Variants in DMRT3 observed in about 807,000 individuals in gnomAD.
The protein encoded by DMRT3 is doublesex and mab-3 related transcription factor 3, also known as doublesex- and mab-3-related transcription factor 3.
In DMRT3, 29 loss-of-function variants were observed where a neutral mutation model predicts 34.9. The ratio of observed to expected loss-of-function variants is 0.83; its 90% confidence interval spans 0.62 to 1.13. The LOEUF is 1.13. Among genes scored for constraint, DMRT3 ranks in the 50% most tolerant of loss-of-function variants. DMRT3 has a pLI of 0.00. For missense variants in DMRT3, 772 were observed against 629.1 expected, an observed-to-expected ratio of 1.23 and a Z score of -2.43; for synonymous variants, 350 against 286.0, an observed-to-expected ratio of 1.22 and a Z score of -2.26.
At chr9:980,818 G>A (rs1586682700) in intron 1 of DMRT3, among the ~76,000 whole-genome samples, 1 of 152,118 alleles carries the variant, frequency 6.6e-6, no homozygotes, top group East Asian at 1.9e-4. Context: ...TCACTGCCAA[G>A]GTGAAAAGCT....
intron 1 of DMRT3, among the ~76,000 whole-genome samples, chr9:979,653 G>T (rs1474738957): frequency 6.6e-6 from 1 of 152,076 alleles, no homozygotes; most frequent in Non-Finnish European, 1.5e-5. Context: ...GGGGAGAAAG[G>T]TAGGAAAATA....
intron 1 of DMRT3, among the ~76,000 whole-genome samples, chr9:982,622 T>C (rs956534750): frequency 6.6e-6 from 1 of 152,172 alleles, no homozygotes; most frequent in African/African-American, 2.4e-5. Flanking sequence ...GATGAGAAAT[T>C]CTTTGCTGCA....
chr9:977,356 C>T lies in DMRT3; in HGVS notation c.355C>T (p.Gln119Ter). Residue 119 changes from glutamine (Q) to a stop codon, truncating the protein, a stop_gained, in exon 1 of 2, where the codon CAG becomes TAG. Transcript: ENST00000190165. LOFTEE classifies it high-confidence loss of function. Reference sequence around the variant, plus strand: ...GCCAGCCTCTCAGCCGTCGCAGCCGCAGCCGCCGCGCCCTGCTGCCGAGTT... The same window carrying T: ...GCCAGCCTCTCAGCCGTCGCAGCCGTAGCCGCCGCGCCCTGCTGCCGAGTT... ...PPPASQPSQP[Q>*]PPRPAAELAA... is the part of the protein sequence containing the mutation. The T allele has an allele frequency of 1.6e-6, 2 of 1,237,724 alleles. No homozygotes were observed. Among genetic ancestry groups the T allele is most frequent in the Non-Finnish European group, 2.0e-6 (2 of 993,836 alleles). 76.7% of individuals were successfully genotyped at this position (1,237,724 alleles called of 1,614,324 possible).
In DMRT3 at chr9:991,313, C is replaced by T; in HGVS notation, c.*308C>T. ...TATTTGGGGATGTAAAGCTGAAGGTCAGCCTTGCACCTAAACCCAACCTGG... is the reference window on the plus strand; with the variant it reads ...TATTTGGGGATGTAAAGCTGAAGGTTAGCCTTGCACCTAAACCCAACCTGG... On this transcript the variant is annotated 3_prime_UTR_variant, in exon 2 of 2. Coordinates refer to ENST00000190165, the MANE Select transcript of DMRT3 (RefSeq NM_021240.4). 1 of 246,494 alleles carries T rather than the reference C, an allele frequency of 4.1e-6. No individual in the cohort carries two copies. The highest frequency in any genetic ancestry group is 1.2e-4 in the South Asian group (1 of 8,124). The allele number at this position is 246,494 out of a possible 1,614,324, so 15.3% of individuals were successfully genotyped here. A position where few individuals can be genotyped will look rare whatever the true frequency, so the allele number is the denominator to read the frequency against.
Position 976,766 on chromosome 9 carries a change from C to G in DMRT3, c.-236C>G, listed in dbSNP as rs1385864307. On this transcript the variant is annotated 5_prime_UTR_variant, in exon 1 of 2. Transcript: ENST00000190165. This position sits in a 1 kb window ranked among gnomAD's most constrained non-coding sequence, Gnocchi z 4.5. ...CCCGGCTGCGCGCCCAAGGCAGAGG[C>G]CCGCGTCGGCGTTGGCTGGGCGTGA... 6.6e-6 allele frequency among the ~76,000 whole-genome samples: 1 copy of G among 152,170 alleles called. No homozygotes were observed. Among genetic ancestry groups the G allele is most frequent in the Non-Finnish European group, 1.5e-5 (1 of 68,008 alleles).
Position 990,600 on chromosome 9 carries a change from C to T in DMRT3, c.1014C>T (p.Asp338=), listed in dbSNP as rs752507083. ...TGGGATCAGCCTTTCGAGTCCCAGA[C>T]ACGTTGAGGTTTTCTGCCGACTCTA... is the stretch of plus-strand genomic sequence containing the variant. ...WSVGSAFRVP[D]TLRFSADSSN... The change falls in exon 2 of 2, where the codon GAC becomes GAT. Residue 338 remains aspartate, a synonymous_variant. Transcript: ENST00000190165. 4 of 1,614,016 alleles carry T rather than the reference C, an allele frequency of 2.5e-6. No individual in the cohort carries two copies. The highest frequency in any genetic ancestry group is 2.2e-5 in the East Asian group (1 of 44,872).
chr9:978,721 C>T (rs369102926), intron 1 of DMRT3, among the ~76,000 whole-genome samples: 1 of 152,134 alleles, frequency 6.6e-6, no homozygotes, highest in Non-Finnish European at 1.5e-5. Flanking sequence ...GCTTTCCAGG[C>T]CTGAAGCTCT....
intron 1 of DMRT3, among the ~76,000 whole-genome samples, chr9:978,399 G>C (rs1820178624): frequency 6.6e-6 from 1 of 152,124 alleles, no homozygotes; most frequent in African/African-American, 2.4e-5. Context: ...ATATGTGTTT[G>C]GTGTTTCTCC....
chr9:980,232 C>G (rs1662651856), intron 1 of DMRT3, among the ~76,000 whole-genome samples: 1 of 152,164 alleles, frequency 6.6e-6, no homozygotes, highest in South Asian at 2.1e-4. Flanking sequence ...ATATTCACAT[C>G]AAAACTCAGT....
At chr9:989,130 CT>C (rs1820319573) in intron 1 of DMRT3, among the ~76,000 whole-genome samples, 1 of 152,144 alleles carries the variant, frequency 6.6e-6, no homozygotes, top group Admixed American at 6.5e-5. Context: ...AAAAAGGTAT[CT>C]TCAAATTTCA....
At chr9:984,141 T>C (rs1268983056) in intron 1 of DMRT3, among the ~76,000 whole-genome samples, 2 of 152,190 alleles carry the variant, frequency 1.3e-5, no homozygotes, top group Non-Finnish European at 2.9e-5. Context: ...AAAAGTCTCA[T>C]CCTGCCTGGG....
Position 976,958 on chromosome 9 carries a change from C to T in DMRT3, c.-44C>T, listed in dbSNP as rs1187907046. 6.3e-6 allele frequency: 9 copies of T among 1,429,866 alleles called. No individual in the cohort carries two copies. The highest frequency in any genetic ancestry group is 1.5e-5 in the African/African-American group (1 of 67,196). 88.6% of individuals were successfully genotyped at this position (1,429,866 alleles called of 1,614,324 possible). Reference sequence around the variant, plus strand: ...GCCCCGCCGTCCAGCGCTCCCTGGCCCTCTCCCGCAGCCAGGCTGCCAACT... The same window carrying T: ...GCCCCGCCGTCCAGCGCTCCCTGGCTCTCTCCCGCAGCCAGGCTGCCAACT... On this transcript the variant is annotated 5_prime_UTR_variant, in exon 1 of 2. Transcript: ENST00000190165. The surrounding 1 kb of genome is among the most constrained non-coding windows in gnomAD (Gnocchi z 4.5).
Position 977,024 on chromosome 9 carries a change from A to C in DMRT3, c.23A>C (p.Tyr8Ser), listed in dbSNP as rs74806384. ...GGCATGAACGGCTACGGCTCCCCCT[A>C]CCTGTACATGGGCGGCCCGGTGTCG... MNGYGSP[Y>S]LYMGGPVSQP... The change falls in exon 1 of 2, where the codon TAC (tyrosine) becomes TCC (serine). Residue 8 changes from tyrosine to serine, a missense_variant. By Grantham distance (144) the Tyr-to-Ser change is moderately radical. Coordinates refer to ENST00000190165, the MANE Select transcript of DMRT3 (RefSeq NM_021240.4). 2 of 1,546,938 alleles carry C rather than the reference A, an allele frequency of 1.3e-6. No homozygotes were observed. Among genetic ancestry groups the C allele is most frequent in the Non-Finnish European group, 1.7e-6 (2 of 1,148,878 alleles).
chr9:979,222 A>C (rs534907099), intron 1 of DMRT3, among the ~76,000 whole-genome samples: 1 of 152,282 alleles, frequency 6.6e-6, no homozygotes, highest in East Asian at 1.9e-4. Context: ...ATTTCTAAAG[A>C]GTCACAAAAC....
intron 1 of DMRT3, among the ~76,000 whole-genome samples, chr9:988,289 T>G (rs1332860145): frequency 2.0e-5 from 3 of 152,194 alleles, no homozygotes; most frequent in Non-Finnish European, 1.5e-5. Flanking sequence ...AATGCAAATT[T>G]GGGATAAGTA....
At position 977,226 on chromosome 9, in the gene DMRT3, C is replaced by T. The variant is rs1485087195; in HGVS notation, c.225C>T (p.Arg75=). Residue 75 remains arginine (R), a synonymous_variant, in exon 1 of 2, where the codon CGC becomes CGT. Transcript: ENST00000190165. ...TCATGGCTGCGCAGGTGGCGCTGCG[C>T]CGGCAGCAGGCCAACGAGAGCTTGG... ...QRVMAAQVAL[R]RQQANESLES... The T allele has an allele frequency of 6.2e-7, 1 of 1,601,564 alleles. No homozygotes were observed. Among genetic ancestry groups the T allele is most frequent in the Non-Finnish European group, 8.5e-7 (1 of 1,174,274 alleles).
Position 990,551 on chromosome 9 carries a change from C to G in DMRT3, c.965C>G (p.Pro322Arg), listed in dbSNP as rs763094593. The G allele has an allele frequency of 6.2e-7, 1 of 1,614,118 alleles. No individual in the cohort carries two copies. Among genetic ancestry groups the G allele is most frequent in the East Asian group, 2.2e-5 (1 of 44,866 alleles). The change falls in exon 2 of 2, where the codon CCC (proline) becomes CGC (arginine). Residue 322 changes from proline to arginine, a missense_variant. Coordinates refer to ENST00000190165, the MANE Select transcript of DMRT3 (RefSeq NM_021240.4). ...HIFEHTLSSY[P>R]ISSSKWSVGS... is the part of the protein sequence containing the mutation. ...TTTGAACACACCTTGAGCTCCTACC[C>G]CATCTCGTCTTCCAAATGGTCTGTG... is the stretch of plus-strand genomic sequence containing the variant.
intron 1 of DMRT3, among the ~76,000 whole-genome samples, chr9:982,902 A>G (rs771449594): frequency 1.6e-4 from 25 of 152,070 alleles, no homozygotes; most frequent in Non-Finnish European, 3.2e-4. Context: ...TTAGCTGCTC[A>G]GGTCCTTGGA....
Position 990,802 on chromosome 9 carries a change from C to T in DMRT3, c.1216C>T (p.Gln406Ter). 8 of 1,614,164 alleles carry T rather than the reference C, an allele frequency of 5.0e-6. No individual in the cohort carries two copies. The highest frequency in any genetic ancestry group is 5.9e-6 in the Non-Finnish European group (7 of 1,180,032). ...GCAGCAGCAGTATCAGCTGAGGTCC[C>T]AGTATGTCAGTCCTTTCCCCAGTAA... ...TLQQQYQLRS[Q>*]YVSPFPSNST... is the part of the protein sequence containing the mutation. The change falls in exon 2 of 2, where the codon CAG becomes TAG. Residue 406 changes from glutamine to a stop codon, truncating the protein, a stop_gained. Coordinates refer to ENST00000190165, the MANE Select transcript of DMRT3 (RefSeq NM_021240.4). LOFTEE classifies it high-confidence loss of function.
Sources: allele counts gnomAD v4.1 joint callset (sites outside exome capture counted in the v4.1 genomes callset), GRCh38; gene constraint gnomAD v4.1.1; non-coding constraint Gnocchi (gnomAD v3.1); transcripts MANE v1.5; gene names NCBI Gene and HGNC (gene_info 2026-07-23, HGNC 2026-07-21).